Variants in CD44 observed in about 807,000 individuals in gnomAD.
The protein encoded by CD44 is CD44 antigen.
Under a neutral mutation model 88.8 loss-of-function variants are expected in CD44, and 49 were observed. The observed-to-expected ratio is 0.55, with a 90% CI of 0.44 to 0.70. The LOEUF is 0.70. CD44 is among the 30% of genes least tolerant of loss of function. The pLI, the probability that CD44 is intolerant of heterozygous loss-of-function variation, is 0.00. For missense variants in CD44, 883 were observed against 913.8 expected, an observed-to-expected ratio of 0.97 and a Z score of 0.43; for synonymous variants, 325 against 312.3, an observed-to-expected ratio of 1.04 and a Z score of -0.43.
chr11:35,219,711 T>C (rs1300636910), intron 16 of CD44, among the ~76,000 whole-genome samples: 1 of 152,232 alleles, frequency 6.6e-6, no homozygotes, highest in Non-Finnish European at 1.5e-5. Flanking sequence ...CCCCATGTCA[T>C]ACCTAGGTCC....
At chr11:35,206,457 T>C (rs1474351595) in intron 11 of CD44, among the ~76,000 whole-genome samples, 1 of 150,084 alleles carries the variant, frequency 6.7e-6, no homozygotes, top group South Asian at 2.1e-4. Flanking sequence ...AGCAGGAGGG[T>C]TGGCAAAAGA....
chr11:35,211,469 C>T lies in CD44; in HGVS notation c.1810+20C>T, dbSNP rs1948382042. 21 of 1,580,310 alleles carry T rather than the reference C, an allele frequency of 1.3e-5. No individual in the cohort carries two copies. Among genetic ancestry groups the T allele is most frequent in the Non-Finnish European group, 1.8e-5 (21 of 1,149,594 alleles). Reference sequence around the variant, plus strand: ...TATCAGGTAATTTGGCATTTATTATCTAGTTTGCTTTCTCTATATAGAGAA... The same window carrying T: ...TATCAGGTAATTTGGCATTTATTATTTAGTTTGCTTTCTCTATATAGAGAA... On this transcript the variant is annotated intron_variant, in intron 14 of 17. Coordinates refer to ENST00000428726, the MANE Select transcript of CD44 (RefSeq NM_000610.4).
intron 1 of CD44, among the ~76,000 whole-genome samples, chr11:35,154,262 G>A (rs1481880450): frequency 1.3e-5 from 2 of 152,118 alleles, no homozygotes; most frequent in Non-Finnish European, 2.9e-5. Flanking sequence ...GTACATTTAG[G>A]GGATGGTTTA....
chr11:35,224,644 G>A (rs1413070352), intron 17 of CD44, among the ~76,000 whole-genome samples: 1 of 152,186 alleles, frequency 6.6e-6, no homozygotes, highest in Admixed American at 6.5e-5. Context: ...GGTTGAGGTA[G>A]AAGAATCGCT....
intron 2 of CD44, among the ~76,000 whole-genome samples, chr11:35,179,381 C>CA (rs955603939): frequency 9.9e-5 from 15 of 152,012 alleles, no homozygotes; most frequent in African/African-American, 3.4e-4. Context: ...ATTTTATATT[C>CA]AAAAAAAATT....
At chr11:35,221,360 G>A (rs10734436) in intron 16 of CD44, among the ~76,000 whole-genome samples, 53,947 of 152,034 alleles carry the variant, frequency 0.35, 10,757 homozygotes, top group East Asian at 0.81. Context: ...TATACCAAAG[G>A]CATCTACAAG....
At chr11:35,153,280 A>G (rs1941421336) in intron 1 of CD44, among the ~76,000 whole-genome samples, 1 of 152,214 alleles carries the variant, frequency 6.6e-6, no homozygotes, top group South Asian at 2.1e-4. Flanking sequence ...AATGAGAAGA[A>G]GATAATAGGG....
rs116752392 is a variant in CD44, at chr11:35,205,182, T to C, written c.1282+542T>C. ...AAAAGGTATCTTCTCTATTCTTGAA[T>C]TGTGAGATTGTGGAAATTGGAATCC... On this transcript the variant is annotated intron_variant, in intron 10 of 17. Coordinates refer to ENST00000428726, the MANE Select transcript of CD44 (RefSeq NM_000610.4). Among the ~76,000 whole-genome samples the C allele has an allele frequency of 3.0e-3, 453 of 152,304 alleles. 3 individuals carry two copies. Among genetic ancestry groups the C allele is most frequent in the African/African-American group, 0.01 (427 of 41,554 alleles).
intron 1 of CD44, among the ~76,000 whole-genome samples, chr11:35,175,414 A>G (rs1048779647): frequency 6.6e-6 from 1 of 152,248 alleles, no homozygotes; most frequent in African/African-American, 2.4e-5. Flanking sequence ...TATATTCAGT[A>G]CCATTTCAAT....
intron 1 of CD44, among the ~76,000 whole-genome samples, chr11:35,162,396 C>T (rs1051815485): frequency 1.3e-5 from 2 of 152,214 alleles, no homozygotes; most frequent in Non-Finnish European, 1.5e-5. Flanking sequence ...GACAACTGCA[C>T]ACAAGGGTCA....
intron 7 of CD44, 74 bp from the exon 8 acceptor site, chr11:35,201,008 G>C: frequency 9.7e-7 from 1 of 1,033,822 alleles, no homozygotes; most frequent in Non-Finnish European, 1.5e-6. Context: ...ACAGAAGCAA[G>C]ACTATGTGCG....
At chr11:35,190,148 G>C in intron 5 of CD44, 83 bp downstream of exon 5, 1 of 1,209,230 alleles carries the variant, frequency 8.3e-7, no homozygotes, top group Non-Finnish European at 1.2e-6. Flanking sequence ...GCACACTCAC[G>C]TGCTGATTTT....
intron 1 of CD44, among the ~76,000 whole-genome samples, chr11:35,170,866 C>A (rs1350779967): frequency 6.6e-6 from 1 of 152,210 alleles, no homozygotes; most frequent in African/African-American, 2.4e-5. Context: ...CTCTGTCAAG[C>A]AATGTTCTGT....
At chr11:35,158,733 G>A (rs1035586950) in intron 1 of CD44, among the ~76,000 whole-genome samples, 16 of 152,210 alleles carry the variant, frequency 1.1e-4, no homozygotes, top group Admixed American at 8.5e-4. Flanking sequence ...ATTTGGCAGG[G>A]CGGGCACACC....
intron 1 of CD44, among the ~76,000 whole-genome samples, chr11:35,168,514 A>G (rs377591351): frequency 2.4e-4 from 36 of 152,354 alleles, no homozygotes; most frequent in South Asian, 2.3e-3. Context: ...CACTGTGGTT[A>G]TGGACCAGGA....
At chr11:35,216,904 A>G (rs1399089801) in intron 15 of CD44, among the ~76,000 whole-genome samples, 1 of 152,208 alleles carries the variant, frequency 6.6e-6, no homozygotes, top group Non-Finnish European at 1.5e-5. Context: ...GTTTATATGC[A>G]CATTAAAATT....
intron 3 of CD44, 30 bp from the exon 4 acceptor site, chr11:35,186,802 G>C (rs772778445): frequency 3.7e-6 from 5 of 1,337,868 alleles, no homozygotes; most frequent in Non-Finnish European, 5.4e-6. Context: ...GTTTTTAAAG[G>C]GTTCTCATCC....
At chr11:35,184,915 A>G (rs1591123317) in intron 3 of CD44, among the ~76,000 whole-genome samples, 4 of 152,330 alleles carry the variant, frequency 2.6e-5, no homozygotes, top group Admixed American at 2.6e-4. Context: ...GGGAAATTAT[A>G]TCGGTACTTT....
intron 15 of CD44, among the ~76,000 whole-genome samples, chr11:35,218,765 A>G (rs1949048145): frequency 6.6e-6 from 1 of 152,144 alleles, no homozygotes; most frequent in South Asian, 2.1e-4. Flanking sequence ...GAGGCATAAG[A>G]TTCTGCATTT....
Sources: gnomAD v4.1 joint callset for allele counts (sites outside exome capture counted in the v4.1 genomes callset) on GRCh38, gnomAD v4.1.1 for gene constraint, MANE v1.5 for transcripts, NCBI Gene and HGNC (gene_info 2026-07-23, HGNC 2026-07-21) for gene names.